AIRE: variants seen among roughly 807,000 people sequenced by gnomAD.
The protein encoded by AIRE is autoimmune regulator.
AIRE carries 52 observed loss-of-function variants against 62.1 expected under a neutral mutation model. The observed-to-expected ratio is 0.84, with a 90% confidence interval of 0.67 to 1.06. The LOEUF (loss-of-function observed/expected upper bound fraction) is 1.06. AIRE is among the 50% of genes least tolerant of loss of function. The probability of loss-of-function intolerance (pLI) is 0.00; values close to 1 mark genes in which losing one functional copy is unlikely to be tolerated. For synonymous variants in AIRE, 342 were observed against 321.6 expected, an observed-to-expected ratio of 1.06 and a Z score of -0.68; for missense variants, 774 against 755.8, an observed-to-expected ratio of 1.02 and a Z score of -0.28.
chr21:44,296,834 G>T (rs541779140), intron 13 of AIRE, among the ~76,000 whole-genome samples: 2 of 152,216 alleles, frequency 1.3e-5, no homozygotes, highest in African/African-American at 2.4e-5. Context: ...AGTGGGGGGG[G>T]GGTCCCAGAC....
Position 44,286,164 on chromosome 21 carries a change from G to A in AIRE, c.132+26G>A. ...GTGGGCTCCCCGCCCGCCCCCCGCT[G>A]CCCCCAGGCCCTGTGAGCCAGGGAT... On this transcript the variant is annotated intron_variant, in intron 1 of 13. Transcript: ENST00000291582. The surrounding 1 kb of genome is among the most constrained non-coding windows in gnomAD (Gnocchi z 6.0). 4 of 1,414,150 alleles carry A rather than the reference G, an allele frequency of 2.8e-6. No individual in the cohort carries two copies. The highest frequency in any genetic ancestry group is 1.2e-5 in the South Asian group (1 of 81,014). 87.6% of individuals were successfully genotyped at this position (1,414,150 alleles called of 1,614,324 possible). A position where few individuals can be genotyped will look rare whatever the true frequency, so the allele number is the denominator to read the frequency against.
rs1182940098 is a variant in AIRE at position 44,292,986 on chromosome 21, G to A, written c.1096-7G>A. 1.2e-6 allele frequency: 2 copies of A among 1,611,956 alleles called. No homozygotes were observed. The highest frequency in any genetic ancestry group is 1.7e-5 in the Admixed American group (1 of 59,980). On this transcript the variant is annotated splice_region_variant and splice_polypyrimidine_tract_variant and intron_variant, in intron 9 of 13. Transcript: ENST00000291582. ...CTGCCCCTCTGATGCTGACCCTTGG[G>A]TTCCAGCTCCCCCCGGGGCTTAGGT...
At chr21:44,294,310 C>T in intron 11 of AIRE, 91 bp from the exon 12 acceptor site, 1 of 577,270 alleles carries the variant, frequency 1.7e-6, no homozygotes, top group Non-Finnish European at 2.9e-6. Context: ...ATCCCCCACT[C>T]ACCACCCACG....
chr21:44,293,174 AG>A lies in AIRE; in HGVS notation c.1278+1del, dbSNP rs996389327. ...CTGTGTGTGGGTCCTGAGGGTCAGC[AG>A]GTGAGCGGGGAGTGGGGGTCAGGGT... The part of the protein sequence containing the change: ...PLLCVGPEGQ[Q>X]NLAPGARCGV... On this transcript the variant is annotated frameshift_variant and splice_region_variant, in exon 10 of 14. Coordinates refer to ENST00000291582, the MANE Select transcript of AIRE (RefSeq NM_000383.4). LOFTEE classifies it high-confidence loss of function. 3 of 1,555,702 alleles carry A rather than the reference AG, an allele frequency of 1.9e-6. No individual in the cohort carries two copies. In the African/African-American group the frequency reaches 4.1e-5, roughly 21 times the overall value.
intron 5 of AIRE, chr21:44,289,376 C>T (rs1247921895): frequency 2.0e-6 from 1 of 495,102 alleles, no homozygotes; most frequent in Non-Finnish European, 3.7e-6. Context: ...CCAGTGTGAC[C>T]TCATCTTAAC....
rs1601972930 is a variant in AIRE, at chr21:44,297,378, G to A, written c.1567-278G>A. On this transcript the variant is annotated intron_variant, in intron 13 of 13. Coordinates refer to ENST00000291582, the MANE Select transcript of AIRE (RefSeq NM_000383.4). The surrounding 1 kb of genome is among the most constrained non-coding windows in gnomAD (Gnocchi z 4.8). ...GAACTGCCATGGGGATGTGCCCTGG[G>A]CTTATAGGATGTGGTGAAGTACACA... Among the ~76,000 whole-genome samples, 1 of 152,120 alleles carries A rather than the reference G, an allele frequency of 6.6e-6. No homozygotes were observed. Among genetic ancestry groups the A allele is most frequent in the Non-Finnish European group, 1.5e-5 (1 of 67,960 alleles).
At chr21:44,291,306 A>C in intron 8 of AIRE, 96 bp downstream of exon 8, 1 of 1,525,340 alleles carries the variant, frequency 6.6e-7, no homozygotes, top group Non-Finnish European at 8.8e-7. Context: ...AGCCTCTCCC[A>C]TCCAAGATGG....
At position 44,293,491 on chromosome 21, in the gene AIRE, C is replaced by A. The variant is rs547722975; in HGVS notation, c.1279-298C>A. Among the ~76,000 whole-genome samples the A allele has an allele frequency of 3.9e-5, 6 of 152,178 alleles. No individual in the cohort carries two copies. The South Asian group carries it at 1.2e-3, about 32-fold the overall frequency. On this transcript the variant is annotated intron_variant, in intron 10 of 13. Coordinates refer to ENST00000291582, the MANE Select transcript of AIRE (RefSeq NM_000383.4). ...TTCCCTGCACCCCTGTGGGCACCGC[C>A]TTTCAGGAGACTCCCGCACTCAGCC...
Position 44,286,613 on chromosome 21 carries a change from G to T in AIRE, c.189G>T (p.Leu63=). 6.2e-7 allele frequency: 1 copy of T among 1,612,926 alleles called. No individual in the cohort carries two copies. Among genetic ancestry groups the T allele is most frequent in the Non-Finnish European group, 8.5e-7 (1 of 1,179,952 alleles). The change falls in exon 2 of 14, where the codon CTG becomes CTT. Residue 63 remains leucine (L), a synonymous_variant. Transcript: ENST00000291582. The surrounding 1 kb of genome is among the most constrained non-coding windows in gnomAD (Gnocchi z 6.0). ...EGCPQAFHAL[L]SWLLTQDSTA... Reference sequence around the variant, plus strand: ...GCCCCCAGGCCTTCCACGCCCTCCTGTCCTGGCTGCTGACCCAGGACTCCA... The same window carrying T: ...GCCCCCAGGCCTTCCACGCCCTCCTTTCCTGGCTGCTGACCCAGGACTCCA...
At position 44,290,673 on chromosome 21, in the gene AIRE, C is replaced by T. The variant is rs867308507; in HGVS notation, c.880-422C>T. ...TCTGGAGGAAGTGGTACCTGGGAGACCCCTGAAGGCACAGCAGGCACCATC... is the reference window on the plus strand; with the variant it reads ...TCTGGAGGAAGTGGTACCTGGGAGATCCCTGAAGGCACAGCAGGCACCATC... On this transcript the variant is annotated intron_variant, in intron 7 of 13. Coordinates refer to ENST00000291582, the MANE Select transcript of AIRE (RefSeq NM_000383.4). 7.3e-6 allele frequency: 9 copies of T among 1,229,286 alleles called. 1 individual carries two copies. The South Asian group carries it at 9.0e-5, about 12-fold the overall frequency. The allele number at this position is 1,229,286 out of a possible 1,614,324, so 76.1% of individuals were successfully genotyped here. A position where few individuals can be genotyped will look rare whatever the true frequency, so the allele number is the denominator to read the frequency against.
chr21:44,286,838 A>G lies in AIRE; in HGVS notation c.307+107A>G. On this transcript the variant is annotated intron_variant, in intron 2 of 13. Coordinates refer to ENST00000291582, the MANE Select transcript of AIRE (RefSeq NM_000383.4). This position sits in a 1 kb window ranked among gnomAD's most constrained non-coding sequence, Gnocchi z 6.0. ...GTGGTGTTTGAGGAGCCCGTGGGTG[A>G]TGTTCCAGGACCGTCTTGGATCCTA... is the stretch of plus-strand genomic sequence containing the variant. 1 of 1,563,208 alleles carries G rather than the reference A, an allele frequency of 6.4e-7. No homozygotes were observed. The highest frequency in any genetic ancestry group is 1.1e-5 in the South Asian group (1 of 89,580).
chr21:44,287,393 C>T lies in AIRE; in HGVS notation c.464-124C>T. ...CCCTTTTACTGATGAGAAACCAGAG[C>T]CCGGCAAAGGGACTACCCAGCACTG... On this transcript the variant is annotated intron_variant, in intron 3 of 13. Transcript: ENST00000291582. This position sits in a 1 kb window ranked among gnomAD's most constrained non-coding sequence, Gnocchi z 4.3. The T allele has an allele frequency of 1.3e-6, 1 of 745,810 alleles. No homozygotes were observed. Among genetic ancestry groups the T allele is most frequent in the South Asian group, 1.7e-5 (1 of 58,770 alleles). The allele number at this position is 745,810 out of a possible 1,614,324, so 46.2% of individuals were successfully genotyped here.
rs1438790240 is a variant in AIRE, at chr21:44,293,073, T to C, written c.1176T>C (p.Leu392=). Residue 392 remains leucine, a synonymous_variant, in exon 10 of 14, where the codon CTT becomes CTC. Transcript: ENST00000291582. Reference sequence around the variant, plus strand: ...CCCTAGCCGGCATGGACACGACTCTTGTCTACAAGCACCTGCCGGCTCCGC... The same window carrying C: ...CCCTAGCCGGCATGGACACGACTCTCGTCTACAAGCACCTGCCGGCTCCGC... ...GEPLAGMDTT[L]VYKHLPAPPS... The C allele has an allele frequency of 1.2e-6, 2 of 1,612,196 alleles. No homozygotes were observed. Among genetic ancestry groups the C allele is most frequent in the Non-Finnish European group, 1.7e-6 (2 of 1,179,780 alleles).
chr21:44,294,682 T>C (rs552934819), intron 12 of AIRE, among the ~76,000 whole-genome samples, 179 bp downstream of exon 12: 1 of 152,286 alleles, frequency 6.6e-6, no homozygotes, highest in South Asian at 2.1e-4. Context: ...AACCAATTCT[T>C]TTTGGCAACT....
chr21:44,293,004 G>T lies in AIRE; in HGVS notation c.1107G>T (p.Gly369=), dbSNP rs767432975. ...EPPVETPLPP[G]LRSAGEEVRG... ...CCCTTGGGTTCCAGCTCCCCCCGGG[G>T]CTTAGGTCGGCGGGAGAGGAGGTAA... is the stretch of plus-strand genomic sequence containing the variant. The change falls in exon 10 of 14, where the codon GGG becomes GGT. Residue 369 remains glycine (G), a synonymous_variant. Transcript: ENST00000291582. 13 of 1,612,312 alleles carry T rather than the reference G, an allele frequency of 8.1e-6. No homozygotes were observed. In the Admixed American group the frequency reaches 2.0e-4, roughly 25 times the overall value.
rs1045928758 is a variant in AIRE, at chr21:44,287,207, C to T, written c.463+74C>T. 5.7e-6 allele frequency: 9 copies of T among 1,569,422 alleles called. No individual in the cohort carries two copies. The highest frequency in any genetic ancestry group is 3.4e-5 in the Admixed American group (2 of 58,176). On this transcript the variant is annotated intron_variant, in intron 3 of 13. Transcript: ENST00000291582. The surrounding 1 kb of genome is among the most constrained non-coding windows in gnomAD (Gnocchi z 4.3). The stretch of plus-strand genomic sequence containing the variant: ...CTTCCCCGGGAGCCCACGCCCCCTC[C>T]CCACCCGGGCTCCCACCCACTGGGT...
Position 44,289,803 on chromosome 21 carries a change from G to A in AIRE, c.798+1G>A, listed in dbSNP as rs138489664. ...CAAGGGAGCCCAGGGCGCTGCCCCCGTAAGCACCTGACCTTCCCTGGGGAG... is the reference window on the plus strand; with the variant it reads ...CAAGGGAGCCCAGGGCGCTGCCCCCATAAGCACCTGACCTTCCCTGGGGAG... On this transcript the variant is annotated splice_donor_variant, in intron 6 of 13. Coordinates refer to ENST00000291582, the MANE Select transcript of AIRE (RefSeq NM_000383.4). LOFTEE classifies it high-confidence loss of function. 62 of 1,612,516 alleles carry A rather than the reference G, an allele frequency of 3.8e-5. No individual in the cohort carries two copies. The highest frequency in any genetic ancestry group is 3.3e-4 in the Admixed American group (20 of 60,026).
In AIRE at chr21:44,286,745, G is replaced by T. The variant is rs1423491350; in HGVS notation, c.307+14G>T. The T allele has an allele frequency of 6.2e-7, 1 of 1,612,366 alleles. No individual in the cohort carries two copies. ...GCTTCCCCAAAGGTGGGTCCTGGTG[G>T]ACTCAGCCATGCTGGGGGCCTGGGG... On this transcript the variant is annotated intron_variant, in intron 2 of 13. Coordinates refer to ENST00000291582, the MANE Select transcript of AIRE (RefSeq NM_000383.4). This position sits in a 1 kb window ranked among gnomAD's most constrained non-coding sequence, Gnocchi z 6.0.
intron 12 of AIRE, 65 bp from the exon 13 acceptor site, chr21:44,296,318 C>T (rs1047366190): frequency 2.8e-5 from 40 of 1,440,700 alleles, no homozygotes; most frequent in South Asian, 2.7e-4. Context: ...CTAGGCCCTG[C>T]GGCCTCTGTA....
Sources: gnomAD v4.1 joint callset for allele counts (sites outside exome capture counted in the v4.1 genomes callset) on GRCh38, gnomAD v4.1.1 for gene constraint, Gnocchi (gnomAD v3.1) non-coding constraint, MANE v1.5 for transcripts, NCBI Gene and HGNC (gene_info 2026-07-23, HGNC 2026-07-21) for gene names.